The following OSBP2 variants were observed in gnomAD, a reference collection of about 807,000 sequenced individuals.
OSBP2 encodes the protein oxysterol-binding protein 2.
A neutral mutation model predicts 96.0 loss-of-function variants in OSBP2; 66 were observed. That is an observed-to-expected ratio of 0.69 (90% CI 0.56 to 0.84). The LOEUF is 0.84. OSBP2 is among the 40% of genes least tolerant of loss of function. The pLI is 0.00. For synonymous variants in OSBP2, 525 were observed against 520.9 expected, an observed-to-expected ratio of 1.01 and a Z score of -0.11; for missense variants, 1,038 against 1,222.7, an observed-to-expected ratio of 0.85 and a Z score of 2.25.
chr22:30,696,637 A>G (rs1025951285), intron 1 of OSBP2, among the ~76,000 whole-genome samples: 4 of 152,042 alleles, frequency 2.6e-5, no homozygotes, highest in Non-Finnish European at 5.9e-5. Flanking sequence ...CAAGTCACCC[A>G]CTACAGGGTT....
At chr22:30,837,913 T>A (rs561194701) in intron 2 of OSBP2, among the ~76,000 whole-genome samples, 57 of 152,356 alleles carry the variant, frequency 3.7e-4, no homozygotes, top group African/African-American at 1.3e-3. Flanking sequence ...AGCTCACATG[T>A]GCTTTTTGTG....
chr22:30,792,210 G>A (rs530526799), intron 2 of OSBP2, among the ~76,000 whole-genome samples: 1 of 152,116 alleles, frequency 6.6e-6, no homozygotes, highest in Non-Finnish European at 1.5e-5. Flanking sequence ...CTACTCAGGA[G>A]GCTAAGGCAG....
chr22:30,695,069 C>A lies in OSBP2; in HGVS notation c.160C>A (p.Pro54Thr). 6.3e-7 allele frequency: 1 copy of A among 1,584,188 alleles called. No individual in the cohort carries two copies. The highest frequency in any genetic ancestry group is 1.2e-5 in the South Asian group (1 of 86,436). Residue 54 changes from proline (P) to threonine (T), a missense_variant, in exon 1 of 14, where the codon CCC (proline) becomes ACC (threonine). Pro to Thr is a conservative substitution (Grantham distance 38). Around this residue, in one of 3 missense-constraint regions of OSBP2, gnomAD observed 281 missense variants for 273.4 expected, o/e 1.03. Coordinates refer to ENST00000332585, the MANE Select transcript of OSBP2 (RefSeq NM_030758.4). ...CTCCGGGCCGGAGCCCAAGCCCCAG[C>A]CCCAGCCCGTGCCCGAACCGGAGCG... is the stretch of plus-strand genomic sequence containing the variant. ...SGSGPEPKPQPQPVPEPERGP... is the reference protein window; with the variant it reads ...SGSGPEPKPQTQPVPEPERGP...
At chr22:30,733,585 G>A (rs749074352) in intron 1 of OSBP2, among the ~76,000 whole-genome samples, 40 of 152,282 alleles carry the variant, frequency 2.6e-4, no homozygotes, top group South Asian at 8.3e-4. Context: ...GCCCAAAAAT[G>A]CAGGGGCGAC....
intron 1 of OSBP2, chr22:30,731,681 C>T (rs757403784): frequency 6.5e-6 from 1 of 154,654 alleles, no homozygotes; most frequent in East Asian, 1.9e-4. Flanking sequence ...TGGGAATCTC[C>T]GTTTTCCTTG....
At chr22:30,701,426 C>G (rs185632825) in intron 1 of OSBP2, among the ~76,000 whole-genome samples, 147 of 148,784 alleles carry the variant, frequency 9.9e-4, no homozygotes, top group African/African-American at 3.4e-3. Flanking sequence ...TCACTGCAAG[C>G]TCCGCCTCCC....
intron 2 of OSBP2, among the ~76,000 whole-genome samples, chr22:30,785,754 C>G (rs962110820): frequency 1.3e-5 from 2 of 152,026 alleles, no homozygotes; most frequent in African/African-American, 4.8e-5. Context: ...AGATTTCCCC[C>G]CTGCTGTTCC....
chr22:30,843,823 G>A (rs1012223125), intron 2 of OSBP2, among the ~76,000 whole-genome samples: 3 of 152,034 alleles, frequency 2.0e-5, no homozygotes, highest in South Asian at 2.1e-4. Flanking sequence ...AGCCAGGATC[G>A]TGCCACTGCA....
intron 2 of OSBP2, among the ~76,000 whole-genome samples, chr22:30,816,922 A>G (rs1250253141): frequency 6.6e-6 from 1 of 152,002 alleles, no homozygotes; most frequent in South Asian, 2.1e-4. Flanking sequence ...TTTAGCAGAG[A>G]TGGGGTTTTA....
intron 2 of OSBP2, among the ~76,000 whole-genome samples, chr22:30,753,865 G>A (rs2090108620): frequency 2.0e-5 from 3 of 152,220 alleles, no homozygotes; most frequent in African/African-American, 7.2e-5. Context: ...AGCATGTCCT[G>A]TAGAATGCCC....
At chr22:30,789,423 G>A (rs2090642105) in intron 2 of OSBP2, among the ~76,000 whole-genome samples, 1 of 152,114 alleles carries the variant, frequency 6.6e-6, no homozygotes. Context: ...TTTTAGAAGT[G>A]GGCTCCGGTC....
intron 2 of OSBP2, among the ~76,000 whole-genome samples, chr22:30,772,222 A>G (rs2090356127): frequency 6.6e-6 from 1 of 152,098 alleles, no homozygotes; most frequent in African/African-American, 2.4e-5. Context: ...GGTTTTAGTG[A>G]CTGAGTGGTG....
At chr22:30,857,901 T>A (rs897336658) in intron 2 of OSBP2, among the ~76,000 whole-genome samples, 1 of 152,160 alleles carries the variant, frequency 6.6e-6, no homozygotes, top group Non-Finnish European at 1.5e-5. Context: ...TCTTCCGTGC[T>A]CTCTGCAGAA....
intron 2 of OSBP2, among the ~76,000 whole-genome samples, chr22:30,823,442 A>T (rs1223330835): frequency 6.6e-6 from 1 of 152,272 alleles, no homozygotes; most frequent in Non-Finnish European, 1.5e-5. Context: ...CGGAAAAATT[A>T]GGATTCTTTA....
At chr22:30,822,471 G>C in intron 2 of OSBP2, 1 of 1,293,044 alleles carries the variant, frequency 7.7e-7, no homozygotes, top group Non-Finnish European at 9.9e-7. Context: ...GTACCGGGTG[G>C]CGGGCGGCAG....
At chr22:30,791,570 G>T (rs557242262) in intron 2 of OSBP2, among the ~76,000 whole-genome samples, 1 of 151,258 alleles carries the variant, frequency 6.6e-6, no homozygotes, top group Non-Finnish European at 1.5e-5. Flanking sequence ...GAAGTGATCC[G>T]CCCGCCTCGG....
intron 2 of OSBP2, among the ~76,000 whole-genome samples, chr22:30,760,569 A>G (rs1201759441): frequency 6.6e-6 from 1 of 152,272 alleles, no homozygotes; most frequent in East Asian, 1.9e-4. Context: ...TAATCCCAGC[A>G]CTTTGGAAGG....
chr22:30,830,368 G>A (rs1186279279), intron 2 of OSBP2, among the ~76,000 whole-genome samples: 3 of 152,200 alleles, frequency 2.0e-5, no homozygotes, highest in Admixed American at 1.3e-4. Context: ...ACAGACTTGG[G>A]GAATGGAACC....
intron 2 of OSBP2, among the ~76,000 whole-genome samples, chr22:30,858,347 C>T (rs1401077736): frequency 2.0e-5 from 3 of 150,872 alleles, no homozygotes; most frequent in Non-Finnish European, 4.4e-5. Context: ...GGGGTTTCAC[C>T]TTGTTAGCCA....
Sources: gnomAD v4.1 joint callset for allele counts (sites outside exome capture counted in the v4.1 genomes callset) on GRCh38, gnomAD v4.1.1 for gene constraint, gnomAD v4.1.1 regional missense constraint, MANE v1.5 for transcripts, NCBI Gene and HGNC (gene_info 2026-07-23, HGNC 2026-07-21) for gene names.